C7orf57: variants seen among roughly 807,000 people sequenced by gnomAD.
C7orf57 encodes the protein chromosome 7 open reading frame 57.
Under a neutral mutation model 39.0 loss-of-function variants are expected in C7orf57, and 33 were observed. The observed-to-expected ratio is 0.85, with a 90% CI of 0.64 to 1.13. The LOEUF is 1.13. Ranked by LOEUF, C7orf57 falls within the 50% of genes most tolerant of loss-of-function variation. The pLI is 0.00. For missense variants in C7orf57, 346 were observed against 362.3 expected (o/e 0.95, Z 0.37); for synonymous variants, 124 against 137.1 (o/e 0.90, Z 0.67).
At chr7:48,048,836 A>C (rs1324674118) in intron 5 of C7orf57, among the ~76,000 whole-genome samples, 1 of 152,028 alleles carries the variant, frequency 6.6e-6, no homozygotes, top group Admixed American at 6.6e-5. Context: ...CAAGCCTCTC[A>C]TTCTAAAAGT....
At chr7:48,039,107 C>T (rs968498837) in intron 2 of C7orf57, among the ~76,000 whole-genome samples, 13 of 152,246 alleles carry the variant, frequency 8.5e-5, no homozygotes, top group African/African-American at 3.1e-4. Flanking sequence ...TTAATTCTCT[C>T]CTGGATCAGG....
rs185078874 is a variant in C7orf57 at position 48,036,794 on chromosome 7, C to G, written c.55+431C>G. On this transcript the variant is annotated intron_variant, in intron 2 of 8. Coordinates refer to ENST00000348904, the MANE Select transcript of C7orf57 (RefSeq NM_001100159.3). ...CCTTGCTCCTACTTTAGACCCCAAG[C>G]AAGTTAAATATACATTCTGGGTTTA... 3.3e-5 allele frequency among the ~76,000 whole-genome samples: 5 copies of G among 152,278 alleles called. No homozygotes were observed. The East Asian group carries it at 9.7e-4, about 29-fold the overall frequency.
In C7orf57 at chr7:48,036,326, G is replaced by T. The variant is rs753552336; in HGVS notation, c.18G>T (p.Lys6Asn). The change falls in exon 2 of 9, where the codon AAG (lysine) becomes AAT (asparagine). Residue 6 changes from lysine (K) to asparagine (N), a missense_variant. Coordinates refer to ENST00000348904, the MANE Select transcript of C7orf57 (RefSeq NM_001100159.3). Reference protein sequence around the residue: MRNTSKELQGATHRYA... With the variant: MRNTSNELQGATHRYA... Reference sequence around the variant, plus strand: ...GCCTGACCATGAGGAACACAAGCAAGGAACTTCAGGGCGCCACGCACCGCT... The same window carrying T: ...GCCTGACCATGAGGAACACAAGCAATGAACTTCAGGGCGCCACGCACCGCT... The T allele has an allele frequency of 3.1e-5, 49 of 1,590,598 alleles. No individual in the cohort carries two copies. Among genetic ancestry groups the T allele is most frequent in the Non-Finnish European group, 4.1e-5 (48 of 1,168,920 alleles).
intron 4 of C7orf57, among the ~76,000 whole-genome samples, chr7:48,044,566 G>A (rs988574627): frequency 3.3e-5 from 5 of 152,146 alleles, no homozygotes; most frequent in Non-Finnish European, 4.4e-5. Flanking sequence ...GGGTGCGGTC[G>A]CCTTCCCCAC....
Position 48,035,688 on chromosome 7 carries a change from C to A in C7orf57, c.-102+58C>A. 1 of 617,304 alleles carries A rather than the reference C, an allele frequency of 1.6e-6. No individual in the cohort carries two copies. 38.2% of individuals were successfully genotyped at this position (617,304 alleles called of 1,614,324 possible). On this transcript the variant is annotated intron_variant, in intron 1 of 8. Transcript: ENST00000348904. The surrounding 1 kb of genome is among the most constrained non-coding windows in gnomAD (Gnocchi z 4.0). ...CGCCCACTGTGGTCCCGGGCCTTGT[C>A]CACTGTGCGGAGCTCGCAGTGCGGG...
At position 48,053,103 on chromosome 7, in the gene C7orf57, T is replaced by C. The variant is rs138547695; in HGVS notation, c.829+180T>C. ...CAAGAGAGTAATACATGTTTTGCTC[T>C]TTCCTCTTTATTCAAATGAATAGCG... On this transcript the variant is annotated intron_variant, in intron 7 of 8. Transcript: ENST00000348904. 929 of 700,698 alleles carry C rather than the reference T, an allele frequency of 1.3e-3. 1 individual carries two copies. Among genetic ancestry groups the C allele is most frequent in the Non-Finnish European group, 1.7e-3 (669 of 385,628 alleles). 43.4% of individuals were successfully genotyped at this position (700,698 alleles called of 1,614,324 possible).
Position 48,052,722 on chromosome 7 carries a change from C to T in C7orf57, c.628C>T (p.Pro210Ser). 1 of 1,613,978 alleles carries T rather than the reference C, an allele frequency of 6.2e-7. No homozygotes were observed. The highest frequency in any genetic ancestry group is 8.5e-7 in the Non-Finnish European group (1 of 1,179,858). Residue 210 changes from proline (P) to serine (S), a missense_variant, in exon 7 of 9, where the codon CCT becomes TCT. Physicochemically the swap from Pro to Ser is moderately conservative, Grantham distance 74 (BLOSUM62 -1). Coordinates refer to ENST00000348904, the MANE Select transcript of C7orf57 (RefSeq NM_001100159.3). ...PPVPGQKNSS[P>S]TNFSKLISNG... ...AAGGCCTGGTCAAAAAAACAGTTCA[C>T]CTACCAATTTTTCCAAACTCATTAG... is the stretch of plus-strand genomic sequence containing the variant.
At chr7:48,056,893 C>T (rs1406424937) in intron 8 of C7orf57, among the ~76,000 whole-genome samples, 2 of 152,056 alleles carry the variant, frequency 1.3e-5, no homozygotes, top group Non-Finnish European at 2.9e-5. Context: ...ACTGTCCTTT[C>T]CCTCATTGTG....
intron 6 of C7orf57, among the ~76,000 whole-genome samples, chr7:48,051,806 CCT>C (rs1790918571): frequency 8.8e-5 from 6 of 68,146 alleles, no homozygotes; most frequent in East Asian, 6.8e-4. Context: ...TTCCTTCCTT[CCT>C]TTTCTCTTCT....
chr7:48,050,062 G>A, intron 6 of C7orf57, 85 bp downstream of exon 6: 3 of 889,262 alleles, frequency 3.4e-6, no homozygotes, highest in Non-Finnish European at 5.5e-6. Context: ...CTGCGCTAGT[G>A]ACAGCATCCA....
rs762473353 is a variant in C7orf57, at chr7:48,049,971, C to G, written c.599C>G (p.Pro200Arg). 14 of 1,608,418 alleles carry G rather than the reference C, an allele frequency of 8.7e-6. No individual in the cohort carries two copies. Among genetic ancestry groups the G allele is most frequent in the African/African-American group, 4.0e-5 (3 of 74,806 alleles). ...CCTGCAGGAAGTAGACTCTCCTTCC[C>G]CCCCGTGTAAGTGCTTGAGCTACGC... ...KNPAGSRLSF[P>R]PVPGQKNSSP... The change falls in exon 6 of 9, where the codon CCC becomes CGC. Residue 200 changes from proline to arginine, a missense_variant. Physicochemically the swap from Pro to Arg is moderately radical, Grantham distance 103. Transcript: ENST00000348904.
At chr7:48,057,760 T>A (rs1306694702) in intron 8 of C7orf57, among the ~76,000 whole-genome samples, 1 of 152,162 alleles carries the variant, frequency 6.6e-6, no homozygotes, top group African/African-American at 2.4e-5. Context: ...GCTTCTCATG[T>A]ATGGTCTTTA....
chr7:48,058,922 T>C lies in C7orf57; in HGVS notation c.842-1304T>C, dbSNP rs2128800172. 3.3e-5 allele frequency among the ~76,000 whole-genome samples: 5 copies of C among 152,358 alleles called. 1 individual carries two copies. The South Asian group carries it at 1.0e-3, about 32-fold the overall frequency. ...TGTTATGTAATCTTTGTGTTTATAT[T>C]ATCAGCAAGATCTGTTCAATTTTGA... On this transcript the variant is annotated intron_variant, in intron 8 of 8. Transcript: ENST00000348904.
At chr7:48,044,969 C>T (rs1462580879) in intron 4 of C7orf57, among the ~76,000 whole-genome samples, 1 of 152,208 alleles carries the variant, frequency 6.6e-6, no homozygotes, top group East Asian at 1.9e-4. Context: ...ATGTTCTGCA[C>T]ACTGCCACAT....
At chr7:48,048,501 C>G (rs532681339) in intron 5 of C7orf57, among the ~76,000 whole-genome samples, 42 of 152,150 alleles carry the variant, frequency 2.8e-4, no homozygotes, top group Non-Finnish European at 5.6e-4. Flanking sequence ...TCTTTTCTTC[C>G]TATAATTGTT....
chr7:48,059,093 C>G (rs1243209633), intron 8 of C7orf57, among the ~76,000 whole-genome samples: 1 of 152,170 alleles, frequency 6.6e-6, no homozygotes, highest in Non-Finnish European at 1.5e-5. Context: ...AATGCCTGCT[C>G]CCACCTCTCA....
intron 6 of C7orf57, among the ~76,000 whole-genome samples, chr7:48,051,853 TTC>T (rs1266914993): frequency 1.4e-4 from 12 of 83,520 alleles, no homozygotes; most frequent in African/African-American, 7.3e-4. Context: ...CTTTCTTTCT[TTC>T]TTTCTTTCTT....
rs376186425 is a variant in C7orf57 at position 48,052,811 on chromosome 7, G to A, written c.717G>A (p.Pro239=). 2.2e-5 allele frequency: 35 copies of A among 1,613,880 alleles called. No homozygotes were observed. The highest frequency in any genetic ancestry group is 2.7e-5 in the Non-Finnish European group (32 of 1,179,894). Residue 239 remains proline (P), a synonymous_variant, in exon 7 of 9, where the codon CCG becomes CCA. Coordinates refer to ENST00000348904, the MANE Select transcript of C7orf57 (RefSeq NM_001100159.3). Reference sequence around the variant, plus strand: ...GAGCTGACTCAGACAAGAGGACCCCGAAGACCTCCAGGGCATCAGTGTTAT... The same window carrying A: ...GAGCTGACTCAGACAAGAGGACCCCAAAGACCTCCAGGGCATCAGTGTTAT... ...QQRADSDKRT[P]KTSRASVLSQ...
In C7orf57 at chr7:48,052,887, G is replaced by A. The variant is rs776363915; in HGVS notation, c.793G>A (p.Asp265Asn). 4.3e-6 allele frequency: 7 copies of A among 1,613,838 alleles called. No individual in the cohort carries two copies. The Admixed American group carries it at 1.0e-4, about 23-fold the overall frequency. Residue 265 changes from aspartate (D) to asparagine (N), a missense_variant, in exon 7 of 9, where the codon GAT (aspartate) becomes AAT (asparagine). Coordinates refer to ENST00000348904, the MANE Select transcript of C7orf57 (RefSeq NM_001100159.3). ...EGPQDAARLQ[D>N]AEASEGPEDT... ...TCCCCAGGATGCAGCCAGGCTCCAG[G>A]ATGCAGAGGCTTCTGAAGGTCCTGA...
Sources: allele counts gnomAD v4.1 joint callset (sites outside exome capture counted in the v4.1 genomes callset), GRCh38; gene constraint gnomAD v4.1.1; non-coding constraint Gnocchi (gnomAD v3.1); transcripts MANE v1.5; gene names NCBI Gene and HGNC (gene_info 2026-07-23, HGNC 2026-07-21).